The following VWA8 variants were observed in gnomAD, a reference collection of about 807,000 sequenced individuals.
VWA8 encodes von Willebrand factor A domain-containing protein 8.
VWA8 carries 221 observed loss-of-function variants against 241.5 expected under a neutral mutation model. The ratio of observed to expected loss-of-function variants is 0.91; its 90% confidence interval spans 0.82 to 1.02. VWA8 has a LOEUF of 1.02. VWA8 is among the 50% of genes least tolerant of loss of function. The probability of loss-of-function intolerance (pLI) is 0.00; values close to 1 mark genes in which losing one functional copy is unlikely to be tolerated. For missense variants in VWA8, 2,322 were observed against 2,328.7 expected, an observed-to-expected ratio of 1.00 and a Z score of 0.06; for synonymous variants, 852 against 827.1, an observed-to-expected ratio of 1.03 and a Z score of -0.52.
At chr13:41,919,805 T>C (rs1325167478) in intron 2 of VWA8, among the ~76,000 whole-genome samples, 3 of 152,062 alleles carry the variant, frequency 2.0e-5, no homozygotes, top group East Asian at 3.9e-4. Flanking sequence ...CCCAGTGCCA[T>C]AGCCGACACT....
intron 9 of VWA8, among the ~76,000 whole-genome samples, chr13:41,882,812 G>A (rs555147028): frequency 6.6e-6 from 1 of 152,168 alleles, no homozygotes; most frequent in Non-Finnish European, 1.5e-5. Context: ...GGGAGAGGGA[G>A]ACCGTGGGGA....
intron 21 of VWA8, among the ~76,000 whole-genome samples, chr13:41,744,999 G>A (rs560716570): frequency 8.9e-4 from 135 of 151,852 alleles, no homozygotes; most frequent in African/African-American, 2.2e-3. Context: ...CACCACGACC[G>A]GCTAATTTCT....
rs1876893702 is a variant in VWA8, at chr13:41,927,311, C to T, written c.242-15143G>A. The T allele has an allele frequency of 5.7e-6, 3 of 527,818 alleles. No individual in the cohort carries two copies. In the Admixed American group the frequency reaches 5.9e-5, roughly 10 times the overall value. The allele number at this position is 527,818 out of a possible 1,614,324, so 32.7% of individuals were successfully genotyped here. A position where few individuals can be genotyped will look rare whatever the true frequency, so the allele number is the denominator to read the frequency against. On this transcript the variant is annotated intron_variant, in intron 2 of 44. Coordinates refer to ENST00000379310, the MANE Select transcript of VWA8 (RefSeq NM_015058.2). ...AAAGACAAGGAGAATGTAGCAACCA[C>T]TGATATGCTGGAAAGCACAACAGCT... is the stretch of plus-strand genomic sequence containing the variant.
At chr13:41,830,671 T>C in intron 13 of VWA8, 29 bp from the exon 14 acceptor site, 5 of 1,590,932 alleles carry the variant, frequency 3.1e-6, no homozygotes, top group Non-Finnish European at 4.3e-6. Context: ...AGCCCGAAAA[T>C]AAATTAATGT....
chr13:41,874,749 T>C (rs1873815142), intron 9 of VWA8, among the ~76,000 whole-genome samples: 3 of 152,142 alleles, frequency 2.0e-5, no homozygotes, highest in Non-Finnish European at 4.4e-5. Flanking sequence ...TTTTTCTAGA[T>C]TGTTAAGTAC....
chr13:41,607,157 T>C (rs1191072401), intron 39 of VWA8, among the ~76,000 whole-genome samples: 1 of 152,212 alleles, frequency 6.6e-6, no homozygotes, highest in African/African-American at 2.4e-5. Context: ...AGAAGGACCA[T>C]GTTCTATTTT....
chr13:41,611,481 A>T (rs2044587737), intron 39 of VWA8, 95 bp downstream of exon 39: 1 of 1,462,720 alleles, frequency 6.8e-7, no homozygotes, highest in South Asian at 1.5e-5. Context: ...CATGAGGTGG[A>T]GGTGGAAACA....
chr13:41,582,169 A>G (rs1219715639), intron 42 of VWA8, among the ~76,000 whole-genome samples: 1 of 152,160 alleles, frequency 6.6e-6, no homozygotes, highest in African/African-American at 2.4e-5. Flanking sequence ...AAACACTCCA[A>G]ATGGCTTAGA....
At chr13:41,657,575 C>T (rs569165123) in intron 37 of VWA8, among the ~76,000 whole-genome samples, 19 of 151,780 alleles carry the variant, frequency 1.3e-4, no homozygotes, top group East Asian at 7.8e-4. Context: ...CTGCAAGCTC[C>T]GCTTCCCGGG....
At chr13:41,897,580 T>C (rs966636253) in intron 4 of VWA8, among the ~76,000 whole-genome samples, 9 of 152,220 alleles carry the variant, frequency 5.9e-5, no homozygotes, top group Admixed American at 2.0e-4. Flanking sequence ...GTGTCCGAAA[T>C]TGGTAGGTTC....
At chr13:41,679,863 CCCA>C (rs971179583) in intron 35 of VWA8, among the ~76,000 whole-genome samples, 4 of 151,560 alleles carry the variant, frequency 2.6e-5, no homozygotes, top group African/African-American at 9.7e-5. Flanking sequence ...CCCCGGCCGC[CCCA>C]CCATTTCCTG....
At chr13:41,604,004 C>A (rs1391694724) in intron 40 of VWA8, among the ~76,000 whole-genome samples, 2 of 152,148 alleles carry the variant, frequency 1.3e-5, no homozygotes, top group African/African-American at 4.8e-5. Context: ...ATCTCTAATG[C>A]CTGGTGTGCA....
At position 41,596,788 on chromosome 13, in the gene VWA8, TACACACACACAC is replaced by T. The variant is rs142774673; in HGVS notation, c.4987-6035_4987-6024del. 1.9e-3 allele frequency among the ~76,000 whole-genome samples: 260 copies of T among 137,000 alleles called. 1 individual carries two copies. Among genetic ancestry groups the T allele is most frequent in the African/African-American group, 6.4e-3 (237 of 37,128 alleles). The allele number at this position is 137,000 out of a possible 152,430, so 89.9% of individuals were successfully genotyped here. On this transcript the variant is annotated intron_variant, in intron 40 of 44. Coordinates refer to ENST00000379310, the MANE Select transcript of VWA8 (RefSeq NM_015058.2). ...AGGAAATACTTGCTTAACCAGAAAG[TACACACACACAC>T]ACACACACACACACACACACACACA...
At chr13:41,716,257 C>T (rs965957524) in intron 26 of VWA8, among the ~76,000 whole-genome samples, 1 of 151,980 alleles carries the variant, frequency 6.6e-6, no homozygotes, top group Non-Finnish European at 1.5e-5. Flanking sequence ...CAATAAGACT[C>T]AGTCTAAAAA....
At position 41,690,174 on chromosome 13, in the gene VWA8, A is replaced by C. The variant is rs1381250437; in HGVS notation, c.3968T>G (p.Val1323Gly). The C allele has an allele frequency of 6.2e-7, 1 of 1,611,996 alleles. No homozygotes were observed. The highest frequency in any genetic ancestry group is 2.2e-5 in the East Asian group (1 of 44,830). ...GATGACATAGTATTTACCTTGTGTA[A>C]CTCCAAACCCTGTGCTGGGCGGCTC... ...KEEPPSTGFG[V>G]TQETEFSIPH... Residue 1323 changes from valine to glycine, a missense_variant, in exon 33 of 45, where the codon GTT becomes GGT. Physicochemically the swap from Val to Gly is moderately radical, Grantham distance 109. Transcript: ENST00000379310.
In VWA8 at chr13:41,795,891, T is replaced by C. The variant is rs998780274; in HGVS notation, c.2064-8348A>G. 1.1e-4 allele frequency among the ~76,000 whole-genome samples: 17 copies of C among 152,018 alleles called. 1 individual carries two copies. Among genetic ancestry groups the C allele is most frequent in the African/African-American group, 4.1e-4 (17 of 41,382 alleles). Reference sequence around the variant, plus strand: ...GGTTGATCTGTGCAGCAAACCACCATGGCACACCTATGTAACAAACCTGCA... The same window carrying C: ...GGTTGATCTGTGCAGCAAACCACCACGGCACACCTATGTAACAAACCTGCA... On this transcript the variant is annotated intron_variant, in intron 17 of 44. Coordinates refer to ENST00000379310, the MANE Select transcript of VWA8 (RefSeq NM_015058.2).
intron 37 of VWA8, among the ~76,000 whole-genome samples, chr13:41,667,622 G>A (rs1468357470): frequency 2.6e-5 from 4 of 151,978 alleles, no homozygotes; most frequent in Non-Finnish European, 5.9e-5. Context: ...AAGCCTTTTT[G>A]CTCCCACAAA....
chr13:41,775,965 T>C (rs1398281932), intron 20 of VWA8, among the ~76,000 whole-genome samples: 2 of 152,154 alleles, frequency 1.3e-5, no homozygotes, highest in African/African-American at 4.8e-5. Flanking sequence ...TCTAATCTAT[T>C]ACCTGCTCAA....
chr13:41,796,639 T>C (rs1360789263), intron 17 of VWA8, among the ~76,000 whole-genome samples: 1 of 152,198 alleles, frequency 6.6e-6, no homozygotes, highest in African/African-American at 2.4e-5. Context: ...ATTTTGTTTG[T>C]TAGTTCATGA....
Sources: allele counts gnomAD v4.1 joint callset (sites outside exome capture counted in the v4.1 genomes callset), GRCh38; gene constraint gnomAD v4.1.1; transcripts MANE v1.5; gene names NCBI Gene and HGNC (gene_info 2026-07-23, HGNC 2026-07-21).